The following RUVBL1 variants were observed in gnomAD, a reference collection of about 807,000 sequenced individuals.
The protein encoded by RUVBL1 is RuvB like AAA ATPase 1, also known as ruvB-like 1.
A neutral mutation model predicts 52.4 loss-of-function variants in RUVBL1; 4 were observed. The ratio of observed to expected loss-of-function variants is 0.08; its 90% confidence interval spans 0.04 to 0.17. The LOEUF (loss-of-function observed/expected upper bound fraction) is 0.17. Among genes scored for constraint, RUVBL1 ranks in the 10% least tolerant of loss-of-function variants. RUVBL1 has a pLI of 1.00. For synonymous variants in RUVBL1, 217 were observed against 214.4 expected (o/e 1.01, Z -0.10); for missense variants, 298 against 572.8 (o/e 0.52, Z 4.90).
intron 1 of RUVBL1, among the ~76,000 whole-genome samples, chr3:128,145,385 C>T (rs751840691): frequency 6.6e-6 from 1 of 152,204 alleles, no homozygotes; most frequent in Non-Finnish European, 1.5e-5. Flanking sequence ...CATGGGCCAG[C>T]ATGTTCCCTT....
chr3:128,138,231 G>A (rs1386632479), intron 1 of RUVBL1, among the ~76,000 whole-genome samples: 2 of 151,664 alleles, frequency 1.3e-5, no homozygotes, highest in Non-Finnish European at 2.9e-5. Flanking sequence ...CATTCAAATC[G>A]GAAAGAAAGA....
intron 1 of RUVBL1, among the ~76,000 whole-genome samples, chr3:128,129,846 C>T (rs547757618): frequency 6.6e-6 from 1 of 152,182 alleles, no homozygotes; most frequent in South Asian, 2.1e-4. Context: ...ATGGTGGTTG[C>T]CAGGGGCTGG....
intron 3 of RUVBL1, among the ~76,000 whole-genome samples, chr3:128,108,321 T>C (rs1389857089): frequency 6.6e-6 from 1 of 152,164 alleles, no homozygotes; most frequent in Non-Finnish European, 1.5e-5. Flanking sequence ...AATTTTCTTT[T>C]CACCTCGCTG....
intron 1 of RUVBL1, among the ~76,000 whole-genome samples, chr3:128,150,569 C>T (rs1559841067): frequency 1.4e-5 from 2 of 139,250 alleles, no homozygotes; most frequent in Admixed American, 7.5e-5. Context: ...ATGTATATTC[C>T]ATATATATAT....
intron 1 of RUVBL1, among the ~76,000 whole-genome samples, chr3:128,150,721 A>C (rs1469148349): frequency 8.3e-5 from 10 of 120,676 alleles, no homozygotes; most frequent in African/African-American, 1.9e-4. Flanking sequence ...TCTATATATT[A>C]TATATTCTAT....
At chr3:128,134,888 A>C (rs1943929026) in intron 1 of RUVBL1, among the ~76,000 whole-genome samples, 1 of 152,194 alleles carries the variant, frequency 6.6e-6, no homozygotes, top group African/African-American at 2.4e-5. Flanking sequence ...TAAATCTAGC[A>C]AATAGCCTCA....
chr3:128,068,278 C>A (rs1170388329), intron 9 of RUVBL1, among the ~76,000 whole-genome samples: 1 of 152,224 alleles, frequency 6.6e-6, no homozygotes, highest in Non-Finnish European at 1.5e-5. Flanking sequence ...CAGAGGGAGC[C>A]ACTGGGTAAG....
At chr3:128,109,301 T>C (rs1042741672) in intron 3 of RUVBL1, among the ~76,000 whole-genome samples, 3 of 152,138 alleles carry the variant, frequency 2.0e-5, no homozygotes, top group African/African-American at 7.2e-5. Flanking sequence ...ATCTCAGCAC[T>C]CTGTGGGGCC....
At chr3:128,142,920 A>G (rs1471021225) in intron 1 of RUVBL1, among the ~76,000 whole-genome samples, 1 of 152,162 alleles carries the variant, frequency 6.6e-6, no homozygotes, top group Non-Finnish European at 1.5e-5. Context: ...AGCTGGCATT[A>G]CAGGCGCACG....
intron 1 of RUVBL1, among the ~76,000 whole-genome samples, chr3:128,153,016 C>A (rs1485225641): frequency 1.1e-5 from 1 of 94,436 alleles, no homozygotes; most frequent in Non-Finnish European, 2.1e-5. Flanking sequence ...CCCTTCGCCC[C>A]CCCATGTTCC....
intron 8 of RUVBL1, among the ~76,000 whole-genome samples, chr3:128,096,109 G>A (rs1436079788): frequency 6.6e-6 from 1 of 152,140 alleles, no homozygotes; most frequent in Non-Finnish European, 1.5e-5. Flanking sequence ...CCACTGCCCT[G>A]AGCATGCAGC....
chr3:128,153,531 G>T, exon 1 of RUVBL1: 1 of 1,518,884 alleles, frequency 6.6e-7, no homozygotes. Flanking sequence ...GGGTGAACGT[G>T]AACGTGGGCG....
chr3:128,115,964 A>T (rs1041284322), intron 2 of RUVBL1, among the ~76,000 whole-genome samples: 1 of 152,004 alleles, frequency 6.6e-6, no homozygotes, highest in Admixed American at 6.5e-5. Context: ...CATCTCTACG[A>T]AAACTACAAA....
chr3:128,125,705 G>A (rs1943777628), upstream of RUVBL1, among the ~76,000 whole-genome samples: 1 of 152,236 alleles, frequency 6.6e-6, no homozygotes, highest in Non-Finnish European at 1.5e-5. Flanking sequence ...AAAGAACAGA[G>A]GCCAGGCCTT....
Position 128,067,646 on chromosome 3 carries a change from G to A in RUVBL1, c.940-2426C>T, listed in dbSNP as rs200460326. On this transcript the variant is annotated intron_variant, in intron 9 of 9. Transcript: ENST00000464873. The surrounding 1 kb of genome is among the most constrained non-coding windows in gnomAD (Gnocchi z 4.1). ...AAGCAAAACTTTCTGGAAGGGTGAT[G>A]AAAGTGTGACTGGTATAAGGGGTGT... is the stretch of plus-strand genomic sequence containing the variant. 182 of 1,540,514 alleles carry A rather than the reference G, an allele frequency of 1.2e-4. No homozygotes were observed. In the African/African-American group the frequency reaches 2.2e-3, roughly 19 times the overall value.
chr3:128,108,277 T>C (rs148588169), intron 3 of RUVBL1, among the ~76,000 whole-genome samples: 114 of 152,296 alleles, frequency 7.5e-4, no homozygotes, highest in Non-Finnish European at 1.5e-3. Context: ...AGATAGTCAA[T>C]GGCCTGCCTT....
chr3:128,098,216 G>A (rs1943028887), intron 7 of RUVBL1, among the ~76,000 whole-genome samples: 1 of 152,182 alleles, frequency 6.6e-6, no homozygotes, highest in African/African-American at 2.4e-5. Flanking sequence ...CTGAGGCAGC[G>A]TCTTCCACCA....
Position 128,104,866 on chromosome 3 carries a change from C to A in RUVBL1, c.420G>T (p.Pro140=), listed in dbSNP as rs111668099. Reference sequence around the variant, plus strand: ...CTCCCATGGGATTCTCTGTCTCACACGGAGTTAGCTCTGTGACTTCACCTT... The same window carrying A: ...CTCCCATGGGATTCTCTGTCTCACAAGGAGTTAGCTCTGTGACTTCACCTT... The part of the protein sequence containing the change: ...VYEGEVTELT[P]CETENPMGGY... The change falls in exon 4 of 11, where the codon CCG becomes CCT. Residue 140 remains proline, a synonymous_variant. Coordinates refer to ENST00000322623, the MANE Select transcript of RUVBL1 (RefSeq NM_003707.3). The A allele has an allele frequency of 1.6e-4, 257 of 1,613,536 alleles. 1 individual carries two copies. In the African/African-American group the frequency reaches 3.1e-3, roughly 19 times the overall value.
At chr3:128,105,174 A>G (rs9835383) in intron 3 of RUVBL1, among the ~76,000 whole-genome samples, 129,479 of 149,514 alleles carry the variant, frequency 0.87, 56,267 homozygotes, top group African/African-American at 0.94. Context: ...GTGCAGTGGC[A>G]CGATCTCGAC....
Sources: gnomAD v4.1 joint callset for allele counts (sites outside exome capture counted in the v4.1 genomes callset) on GRCh38, gnomAD v4.1.1 for gene constraint, Gnocchi (gnomAD v3.1) non-coding constraint, MANE v1.5 for transcripts, NCBI Gene and HGNC (gene_info 2026-07-23, HGNC 2026-07-21) for gene names.